Variants in AR observed in about 807,000 individuals in gnomAD.
AR encodes the protein dihydrotestosterone receptor.
Under a neutral mutation model 53.9 loss-of-function variants are expected in AR, and 8 were observed. The observed-to-expected ratio is 0.15, with a 90% CI of 0.09 to 0.27. The LOEUF (loss-of-function observed/expected upper bound fraction) is 0.27. Among genes scored for constraint, AR ranks in the 10% least tolerant of loss-of-function variants. AR has a pLI of 1.00. For synonymous variants in AR, 359 were observed against 316.4 expected, an observed-to-expected ratio of 1.13 and a Z score of -1.43; for missense variants, 639 against 742.5, an observed-to-expected ratio of 0.86 and a Z score of 1.62.
intron 3 of AR, among the ~76,000 whole-genome samples, chrX:67,692,640 C>T (rs1333227587): frequency 8.9e-6 from 1 of 112,015 alleles, no homozygotes; most frequent in Non-Finnish European, 1.9e-5. Context: ...TTTCTCCAAC[C>T]ACACTGTGGG....
At chrX:67,597,658 G>A (rs749551397) in intron 1 of AR, among the ~76,000 whole-genome samples, 2 of 111,554 alleles carry the variant, frequency 1.8e-5, no homozygotes, top group Non-Finnish European at 3.8e-5. Context: ...GGCTCATACT[G>A]GCCTATGGAC....
At chrX:67,714,578 G>A (rs900639681) in intron 4 of AR, among the ~76,000 whole-genome samples, 3 of 110,106 alleles carry the variant, frequency 2.7e-5, no homozygotes, top group Non-Finnish European at 5.7e-5. Flanking sequence ...GAGACTACAA[G>A]TTTCTGCTGC....
intron 1 of AR, among the ~76,000 whole-genome samples, chrX:67,613,401 G>A (rs1329663913): frequency 1.8e-5 from 2 of 111,624 alleles, no homozygotes; most frequent in African/African-American, 3.3e-5. Context: ...ATGCCTAAGG[G>A]CACTGTCAAA....
intron 1 of AR, among the ~76,000 whole-genome samples, chrX:67,637,769 A>G (rs917669460): frequency 1.4e-4 from 16 of 111,332 alleles, no homozygotes; most frequent in Non-Finnish European, 2.5e-4. Context: ...CGTTTCTTAA[A>G]GGTCCTTTAC....
At chrX:67,663,569 A>G (rs1313253113) in intron 2 of AR, among the ~76,000 whole-genome samples, 2 of 111,402 alleles carry the variant, frequency 1.8e-5, no homozygotes, top group African/African-American at 6.5e-5. Flanking sequence ...TTTTTCCTTC[A>G]TTTCAACTTT....
At chrX:67,642,334 T>G (rs1436872146) in intron 1 of AR, among the ~76,000 whole-genome samples, 1 of 111,799 alleles carries the variant, frequency 8.9e-6, no homozygotes, top group African/African-American at 3.2e-5. Context: ...AAACTTGAAT[T>G]TTTTACTATA....
At chrX:67,711,206 G>T (rs1272852276) in intron 3 of AR, among the ~76,000 whole-genome samples, 196 bp from the exon 4 acceptor site, 1 of 112,274 alleles carries the variant, frequency 8.9e-6, no homozygotes, top group African/African-American at 3.2e-5. Context: ...TGAAAAATTT[G>T]GGTTTAGCAG....
At chrX:67,606,712 A>C (rs1923642602) in intron 1 of AR, among the ~76,000 whole-genome samples, 1 of 112,367 alleles carries the variant, frequency 8.9e-6, no homozygotes, top group African/African-American at 3.2e-5. Context: ...GAGGCTTGGC[A>C]ATTATTAGTT....
intron 1 of AR, among the ~76,000 whole-genome samples, chrX:67,627,738 T>C (rs1408339150): frequency 8.9e-6 from 1 of 111,822 alleles, no homozygotes; most frequent in Admixed American, 9.5e-5. Context: ...TGGTAATGCC[T>C]AGGTTTTCTT....
chrX:67,595,226 A>C (rs1363134935), intron 1 of AR, among the ~76,000 whole-genome samples: 1 of 111,150 alleles, frequency 9.0e-6, no homozygotes, highest in African/African-American at 3.3e-5. Context: ...ATTGTTGATG[A>C]GAGCTGTGTC....
chrX:67,561,249 C>A (rs1165113882), intron 1 of AR, among the ~76,000 whole-genome samples: 3 of 111,876 alleles, frequency 2.7e-5, no homozygotes, highest in African/African-American at 9.7e-5. Flanking sequence ...ATAAGTATTT[C>A]TTTATGAAAT....
chrX:67,618,389 G>A (rs769072681), intron 1 of AR, among the ~76,000 whole-genome samples: 7 of 111,290 alleles, frequency 6.3e-5, no homozygotes, highest in Non-Finnish European at 9.4e-5. Context: ...GTCCATCTTG[G>A]CCTTCAAATT....
intron 2 of AR, among the ~76,000 whole-genome samples, chrX:67,672,317 T>C (rs1381458494): frequency 9.0e-6 from 1 of 111,250 alleles, no homozygotes; most frequent in Non-Finnish European, 1.9e-5. Flanking sequence ...AACTTTTGCT[T>C]GGAGAGTTTC....
intron 3 of AR, among the ~76,000 whole-genome samples, chrX:67,690,777 G>GA (rs1391533761): frequency 4.5e-5 from 5 of 111,579 alleles, no homozygotes; most frequent in Admixed American, 3.8e-4. Context: ...AGCCATAAAG[G>GA]AAAAATAAGA....
At chrX:67,581,156 C>G (rs1922279105) in intron 1 of AR, among the ~76,000 whole-genome samples, 1 of 111,114 alleles carries the variant, frequency 9.0e-6, no homozygotes, top group Admixed American at 9.6e-5. Context: ...CTTCTCCTGT[C>G]CTTTCCCCTC....
rs1166672014 is a variant in AR, at chrX:67,727,204, TTTA to T, written c.*3369_*3371del. 3.0e-5 allele frequency: 5 copies of T among 168,174 alleles called. No individual in the cohort carries two copies. Among genetic ancestry groups the T allele is most frequent in the East Asian group, 8.6e-5 (1 of 11,605 alleles). 13.9% of individuals were successfully genotyped at this position (168,174 alleles called of 1,213,427 possible). ...AGGCAATATTGTTGTTCTTGGAAAGTTTATTATTTTTTTAACTCCCTTACTCTG... is the reference window on the plus strand; with the variant it reads ...AGGCAATATTGTTGTTCTTGGAAAGTTTATTTTTTTAACTCCCTTACTCTG... On this transcript the variant is annotated 3_prime_UTR_variant, in exon 8 of 8. Transcript: ENST00000374690.
chrX:67,719,638 G>A (rs1041215498), intron 5 of AR, among the ~76,000 whole-genome samples: 7 of 111,981 alleles, frequency 6.3e-5, no homozygotes, highest in African/African-American at 2.3e-4. Flanking sequence ...TTCTCAACAT[G>A]GATTCTGTTG....
At chrX:67,631,635 C>A (rs958911762) in intron 1 of AR, among the ~76,000 whole-genome samples, 8 of 112,590 alleles carry the variant, frequency 7.1e-5, no homozygotes, top group African/African-American at 2.6e-4. Context: ...CTTCTTCTCT[C>A]ATCTCATCAA....
At chrX:67,660,036 C>A (rs1187169926) in intron 2 of AR, among the ~76,000 whole-genome samples, 2 of 111,722 alleles carry the variant, frequency 1.8e-5, no homozygotes, top group Admixed American at 9.5e-5. Flanking sequence ...CTGTTCATAT[C>A]CTTTGCCCAC....
Sources: gnomAD v4.1 joint callset for allele counts (sites outside exome capture counted in the v4.1 genomes callset) on GRCh38, gnomAD v4.1.1 for gene constraint, MANE v1.5 for transcripts, NCBI Gene and HGNC (gene_info 2026-07-23, HGNC 2026-07-21) for gene names.